The following LRRC69 variants were observed in gnomAD, a reference collection of about 807,000 sequenced individuals.
The protein encoded by LRRC69 is leucine-rich repeat-containing protein 69.
In LRRC69, 42 loss-of-function variants were observed where a neutral mutation model predicts 37.8. The ratio of observed to expected loss-of-function variants is 1.11; its 90% CI spans 0.87 to 1.44. LRRC69 has a LOEUF of 1.44. Ranked by LOEUF, LRRC69 falls within the 40% of genes most tolerant of loss-of-function variation. The pLI is 0.00. For missense variants in LRRC69, 357 were observed against 401.9 expected (o/e 0.89, Z 0.96); for synonymous variants, 141 against 143.1 (o/e 0.99, Z 0.11).
At chr8:91,203,857 C>T (rs186225261) in intron 7 of LRRC69, among the ~76,000 whole-genome samples, 5 of 151,956 alleles carry the variant, frequency 3.3e-5, no homozygotes, top group South Asian at 4.2e-4. Flanking sequence ...CGGTGGCTCA[C>T]GCCTGTAATC....
chr8:91,206,566 C>A, intron 7 of LRRC69: 1 of 699,216 alleles, frequency 1.4e-6, no homozygotes, highest in Non-Finnish European at 2.0e-6. Context: ...GTTTTCAAAA[C>A]ATCCTGCTTT....
chr8:91,192,637 A>C (rs1266821102), intron 6 of LRRC69, among the ~76,000 whole-genome samples: 1 of 152,122 alleles, frequency 6.6e-6, no homozygotes, highest in Non-Finnish European at 1.5e-5. Context: ...GGCTGCATAA[A>C]TGTCTTCTTT....
At chr8:91,138,331 G>A (rs1383201392) in intron 5 of LRRC69, among the ~76,000 whole-genome samples, 1 of 151,846 alleles carries the variant, frequency 6.6e-6, no homozygotes, top group Non-Finnish European at 1.5e-5. Flanking sequence ...TATAAAAACA[G>A]ACAGAAAAGC....
At position 91,135,463 on chromosome 8, in the gene LRRC69, T is replaced by C. The variant is rs550943180; in HGVS notation, c.580-205T>C. Among the ~76,000 whole-genome samples, 144 of 151,800 alleles carry C rather than the reference T, an allele frequency of 9.5e-4. 4 individuals are homozygous for C. The highest frequency in any genetic ancestry group is 3.7e-4 in the Non-Finnish European group (25 of 67,954). ...GTGGCCATGTTATGTTGCCCTGGAGTGGTCAGAGGAAATGAAGAATTCAAA... is the reference window on the plus strand; with the variant it reads ...GTGGCCATGTTATGTTGCCCTGGAGCGGTCAGAGGAAATGAAGAATTCAAA... On this transcript the variant is annotated intron_variant, in intron 4 of 7. Transcript: ENST00000448384.
At chr8:91,147,238 A>G (rs901421867) in intron 5 of LRRC69, among the ~76,000 whole-genome samples, 2 of 139,232 alleles carry the variant, frequency 1.4e-5, no homozygotes, top group Non-Finnish European at 3.0e-5. Context: ...GCTATATTAT[A>G]TATAAACATA....
chr8:91,133,140 T>C (rs910263358), exon 4 of LRRC69: 39 of 1,519,434 alleles, frequency 2.6e-5, no homozygotes, highest in Non-Finnish European at 3.2e-5. Context: ...TGAGTATAAA[T>C]TATAACCAAC....
chr8:91,211,697 AAACTT>A (rs1809928025), intron 7 of LRRC69, among the ~76,000 whole-genome samples: 1 of 150,990 alleles, frequency 6.6e-6, no homozygotes, highest in Non-Finnish European at 1.5e-5. Flanking sequence ...TTCAGAAACT[AAACTT>A]AGAGACTGCT....
chr8:91,165,174 T>G (rs1312168772), intron 5 of LRRC69, among the ~76,000 whole-genome samples: 41 of 151,764 alleles, frequency 2.7e-4, no homozygotes, highest in Admixed American at 2.6e-3. Flanking sequence ...AAGGATATTC[T>G]CTGGCACCAT....
At chr8:91,197,403 TAA>T (rs1809626543) in intron 6 of LRRC69, among the ~76,000 whole-genome samples, 2 of 152,224 alleles carry the variant, frequency 1.3e-5, no homozygotes, top group African/African-American at 2.4e-5. Flanking sequence ...TTTGTTTACC[TAA>T]TCAAGCCTGG....
chr8:91,170,990 G>T (rs567529334), intron 5 of LRRC69, among the ~76,000 whole-genome samples: 1 of 146,744 alleles, frequency 6.8e-6, no homozygotes, highest in Admixed American at 6.9e-5. Context: ...GAAAATTTTC[G>T]CAACCTACTC....
At chr8:91,158,310 A>G (rs1412195914) in intron 5 of LRRC69, 7 of 1,488,060 alleles carry the variant, frequency 4.7e-6, no homozygotes, top group Non-Finnish European at 6.6e-6. Context: ...CCCAGAAAGA[A>G]ACTGGAATTT....
intron 5 of LRRC69, among the ~76,000 whole-genome samples, chr8:91,171,370 A>G (rs1809128628): frequency 6.6e-6 from 1 of 151,796 alleles, no homozygotes; most frequent in Admixed American, 6.6e-5. Flanking sequence ...AATATCTAAG[A>G]TTTTTTCACC....
chr8:91,157,828 A>G (rs1808863382), intron 5 of LRRC69: 2 of 1,606,616 alleles, frequency 1.2e-6, no homozygotes, highest in South Asian at 2.2e-5. Flanking sequence ...GGGAGTGGGA[A>G]AAGGAGCTGC....
chr8:91,120,752 A>G (rs1000383991), intron 1 of LRRC69, among the ~76,000 whole-genome samples: 2 of 152,034 alleles, frequency 1.3e-5, no homozygotes, highest in Admixed American at 6.6e-5. Flanking sequence ...TAAGTGGCCT[A>G]TCTTTGCCTT....
chr8:91,196,204 C>G (rs182499695), intron 6 of LRRC69, among the ~76,000 whole-genome samples: 1 of 151,852 alleles, frequency 6.6e-6, no homozygotes, highest in Non-Finnish European at 1.5e-5. Context: ...GGGTTTCTCC[C>G]GAGAGATCTG....
chr8:91,210,667 A>G (rs1171366611), intron 7 of LRRC69, among the ~76,000 whole-genome samples: 2 of 152,084 alleles, frequency 1.3e-5, no homozygotes, highest in Non-Finnish European at 2.9e-5. Flanking sequence ...TTTGATATCT[A>G]TATAATTTCA....
chr8:91,105,659 C>CA (rs11407238), intron 1 of LRRC69, among the ~76,000 whole-genome samples: 76,137 of 110,348 alleles, frequency 0.69, 25,164 homozygotes, highest in African/African-American at 0.8. Flanking sequence ...GATTCTGTCT[C>CA]AAAAAAAAAA....
chr8:91,159,239 A>G (rs762012660), intron 5 of LRRC69, among the ~76,000 whole-genome samples: 4 of 151,290 alleles, frequency 2.6e-5, no homozygotes, highest in African/African-American at 7.3e-5. Flanking sequence ...GAATGACACA[A>G]ATCTGAGTTT....
chr8:91,191,041 A>ACC (rs58095353), intron 6 of LRRC69, among the ~76,000 whole-genome samples: 1,545 of 114,126 alleles, frequency 0.014, 33 homozygotes, highest in Middle Eastern at 0.021. Context: ...CCTGTCTCAA[A>ACC]CCCCCCCCCC....
Sources: allele counts gnomAD v4.1 joint callset (sites outside exome capture counted in the v4.1 genomes callset), GRCh38; gene constraint gnomAD v4.1.1; transcripts MANE v1.5; gene names NCBI Gene and HGNC (gene_info 2026-07-23, HGNC 2026-07-21).